PSD3: variants seen among roughly 807,000 people sequenced by gnomAD.
The protein encoded by PSD3 is pleckstrin and Sec7 domain containing 3.
A neutral mutation model predicts 105.5 loss-of-function variants in PSD3; 49 were observed. That is an observed-to-expected ratio of 0.46 (90% CI 0.37 to 0.59). PSD3 has a LOEUF of 0.59. Among genes scored for constraint, PSD3 ranks in the 20% least tolerant of loss-of-function variants. PSD3 has a pLI of 0.00. For missense variants in PSD3, 1,561 were observed against 1,263.8 expected, an observed-to-expected ratio of 1.24 and a Z score of -3.57; for synonymous variants, 557 against 457.8, an observed-to-expected ratio of 1.22 and a Z score of -2.77.
At chr8:18,725,620 G>C (rs954538375) in intron 9 of PSD3, among the ~76,000 whole-genome samples, 3 of 152,156 alleles carry the variant, frequency 2.0e-5, no homozygotes, top group African/African-American at 7.2e-5. Context: ...GTAAAGGACA[G>C]CCAGGGACAG....
chr8:18,810,447 G>C (rs1811597848), intron 4 of PSD3, among the ~76,000 whole-genome samples: 1 of 152,108 alleles, frequency 6.6e-6, no homozygotes, highest in Non-Finnish European at 1.5e-5. Context: ...ATACTCAATA[G>C]TGTACTGTTT....
At chr8:18,951,859 CCTG>C (rs1253347550) in intron 1 of PSD3, among the ~76,000 whole-genome samples, 6 of 151,956 alleles carry the variant, frequency 3.9e-5, no homozygotes, top group Non-Finnish European at 7.4e-5. Context: ...GTGGTGGGTG[CCTG>C]TAATCCTGAG....
chr8:18,770,901 T>C (rs140281609), intron 8 of PSD3, among the ~76,000 whole-genome samples: 2 of 152,148 alleles, frequency 1.3e-5, no homozygotes, highest in Non-Finnish European at 2.9e-5. Context: ...CACAAACAAA[T>C]TGGAGGATGG....
chr8:18,817,604 G>A (rs549405152), intron 4 of PSD3, among the ~76,000 whole-genome samples: 1 of 152,228 alleles, frequency 6.6e-6, no homozygotes, highest in Non-Finnish European at 1.5e-5. Context: ...TCTCAATGCA[G>A]CTATCAACTT....
intron 10 of PSD3, among the ~76,000 whole-genome samples, chr8:18,644,279 T>C (rs1032491013): frequency 6.6e-6 from 1 of 152,224 alleles, no homozygotes; most frequent in Non-Finnish European, 1.5e-5. Context: ...CCTTTAATTA[T>C]CGTTCTATCT....
chr8:18,922,852 G>C (rs13260700), intron 2 of PSD3, among the ~76,000 whole-genome samples: 22,951 of 152,110 alleles, frequency 0.15, 2,035 homozygotes, highest in South Asian at 0.32. Context: ...GGGATGCATG[G>C]GGCAAGGCAT....
chr8:18,908,794 G>A lies in PSD3; in HGVS notation c.130+27240C>T, dbSNP rs112799395. ...TATAAGCAATGACTAGCAATATTGGGTACACAGCAAATACTCCATAATTAT... is the reference window on the plus strand; with the variant it reads ...TATAAGCAATGACTAGCAATATTGGATACACAGCAAATACTCCATAATTAT... On this transcript the variant is annotated intron_variant, in intron 2 of 15. Transcript: ENST00000327040. 2.8e-3 allele frequency among the ~76,000 whole-genome samples: 422 copies of A among 152,168 alleles called. 2 individuals carry two copies. Among genetic ancestry groups the A allele is most frequent in the African/African-American group, 9.9e-3 (411 of 41,504 alleles).
rs1827724900 is a variant in PSD3, at chr8:19,030,408, A to T, written c.324+53798T>A. Among the ~76,000 whole-genome samples, 4 of 152,170 alleles carry T rather than the reference A, an allele frequency of 2.6e-5. No individual in the cohort carries two copies. In the South Asian group the frequency reaches 8.3e-4, roughly 32 times the overall value. The stretch of plus-strand genomic sequence containing the variant: ...AATCTCGTGTTGAATTGTAATCCCC[A>T]GCATTGAAGGTGGGGCCTAGTGGGA... On this transcript the variant is annotated intron_variant, in intron 1 of 1. Coordinates refer to the PSD3 transcript ENST00000521475.
chr8:18,559,975 A>G (rs1436452583), intron 14 of PSD3, among the ~76,000 whole-genome samples: 1 of 152,184 alleles, frequency 6.6e-6, no homozygotes, highest in Non-Finnish European at 1.5e-5. Flanking sequence ...TCAATGAGAA[A>G]TGCTTCACTA....
At chr8:18,691,774 G>A (rs1356090941) in intron 9 of PSD3, among the ~76,000 whole-genome samples, 1 of 152,112 alleles carries the variant, frequency 6.6e-6, no homozygotes, top group Non-Finnish European at 1.5e-5. Context: ...ATTGAATCTA[G>A]GAGGCAATAA....
At position 18,804,739 on chromosome 8, in the gene PSD3, G is replaced by A. The variant is rs143423577; in HGVS notation, c.1794C>T (p.Phe598=). 1 of 1,614,024 alleles carries A rather than the reference G, an allele frequency of 6.2e-7. No homozygotes were observed. Among genetic ancestry groups the A allele is most frequent in the Non-Finnish European group, 8.5e-7 (1 of 1,179,964 alleles). The part of the protein sequence containing the change: ...LAKRLYQLDR[F]KRSDVAKHLG... ...GGTGTTTTGCAACATCTGATCTTTT[G>A]AATCTGTCCAGCTGATAAAGGCGTT... is the stretch of plus-strand genomic sequence containing the variant. Residue 598 remains phenylalanine (F), a synonymous_variant, in exon 5 of 16, where the codon TTC becomes TTT. Transcript: ENST00000327040.
intron 9 of PSD3, among the ~76,000 whole-genome samples, chr8:18,742,182 T>C (rs948070513): frequency 2.0e-5 from 3 of 152,234 alleles, no homozygotes; most frequent in South Asian, 2.1e-4. Flanking sequence ...TAGAATCATC[T>C]TCCTATTTCC....
chr8:19,014,663 C>G (rs1448106240), upstream of PSD3, among the ~76,000 whole-genome samples: 2 of 152,162 alleles, frequency 1.3e-5, no homozygotes, highest in Non-Finnish European at 2.9e-5. The surrounding 1 kb of genome is among the most constrained non-coding windows in gnomAD (Gnocchi z 4.9). Flanking sequence ...CAGTCTTTTT[C>G]AAGTGACAGG....
intron 9 of PSD3, among the ~76,000 whole-genome samples, chr8:18,751,196 C>T (rs1805459236): frequency 6.6e-6 from 1 of 152,164 alleles, no homozygotes; most frequent in Non-Finnish European, 1.5e-5. Flanking sequence ...TGTGGGAAGG[C>T]AGCTAAGGCC....
At position 18,868,118 on chromosome 8, in the gene PSD3, T is replaced by C. The variant is rs774590074; in HGVS notation, c.1239-49A>G. 2.6e-5 allele frequency: 39 copies of C among 1,516,874 alleles called. No individual in the cohort carries two copies. In the South Asian group the frequency reaches 5.0e-4, roughly 20 times the overall value. 94.0% of individuals were successfully genotyped at this position (1,516,874 alleles called of 1,614,324 possible). A position where few individuals can be genotyped will look rare whatever the true frequency, so the allele number is the denominator to read the frequency against. The stretch of plus-strand genomic sequence containing the variant: ...AATTCCAATATTAGGTTAATGTCTT[T>C]ATTTCTCCCACTTCAACCATATAAA... On this transcript the variant is annotated intron_variant, in intron 3 of 15. Coordinates refer to ENST00000327040, the MANE Select transcript of PSD3 (RefSeq NM_015310.4).
intron 8 of PSD3, among the ~76,000 whole-genome samples, chr8:18,778,700 C>T (rs1422914098): frequency 6.6e-6 from 1 of 151,380 alleles, no homozygotes; most frequent in Non-Finnish European, 1.5e-5. Context: ...ATTTGAGATG[C>T]AAAAATATAT....
intron 9 of PSD3, among the ~76,000 whole-genome samples, chr8:18,725,548 T>C (rs1025783117): frequency 2.6e-5 from 4 of 152,190 alleles, no homozygotes; most frequent in Non-Finnish European, 5.9e-5. Flanking sequence ...CCACCTCATG[T>C]TCCACTTTCC....
chr8:19,018,723 T>G (rs1448039662), intron 1 of PSD3, among the ~76,000 whole-genome samples: 1 of 152,208 alleles, frequency 6.6e-6, no homozygotes, highest in Non-Finnish European at 1.5e-5. Flanking sequence ...GAGAAAATAC[T>G]TTTTCTTGAA....
chr8:18,900,642 T>C (rs1248696585), intron 2 of PSD3, among the ~76,000 whole-genome samples: 1 of 126,036 alleles, frequency 7.9e-6, no homozygotes, highest in African/African-American at 2.9e-5. Context: ...GAGAGACAAC[T>C]CTTTTTTTTT....
Sources: allele counts gnomAD v4.1 joint callset (sites outside exome capture counted in the v4.1 genomes callset), GRCh38; gene constraint gnomAD v4.1.1; non-coding constraint Gnocchi (gnomAD v3.1); transcripts MANE v1.5; gene names NCBI Gene and HGNC (gene_info 2026-07-23, HGNC 2026-07-21).